Variants in TMEM143 observed in about 807,000 individuals in gnomAD.
TMEM143 encodes the protein transmembrane protein 143.
Under a neutral mutation model 40.3 loss-of-function variants are expected in TMEM143, and 45 were observed. The observed-to-expected ratio is 1.12, with a 90% CI of 0.88 to 1.43. The LOEUF (loss-of-function observed/expected upper bound fraction) is 1.43. TMEM143 is among the 40% of genes most tolerant of loss of function. The pLI is 0.00. For missense variants in TMEM143, 620 were observed against 613.4 expected, an observed-to-expected ratio of 1.01 and a Z score of -0.11; for synonymous variants, 299 against 282.7, an observed-to-expected ratio of 1.06 and a Z score of -0.58.
chr19:48,347,554 CTTT>C (rs1309165553), intron 3 of TMEM143, among the ~76,000 whole-genome samples: 9 of 128,426 alleles, frequency 7.0e-5, no homozygotes, highest in Admixed American at 8.1e-5. Flanking sequence ...CTCTACAAAA[CTTT>C]TTTTTTTTTT....
chr19:48,357,447 G>C (rs999342824), intron 3 of TMEM143, among the ~76,000 whole-genome samples: 5 of 147,182 alleles, frequency 3.4e-5, no homozygotes, highest in African/African-American at 1.3e-4. Context: ...TCCGCCTCCC[G>C]GGTTCACGTC....
chr19:48,345,158 AC>A lies in TMEM143; in HGVS notation c.564+1del, dbSNP rs1969591750. 1 of 1,612,722 alleles carries A rather than the reference AC, an allele frequency of 6.2e-7. No individual in the cohort carries two copies. The highest frequency in any genetic ancestry group is 1.3e-5 in the African/African-American group (1 of 74,778). Reference sequence around the variant, plus strand: ...GTTTTGTTCTCCTAGGGAGCCAAGTACCTGGACCTCATCCTGAGGGTGGTGG... The same window carrying A: ...GTTTTGTTCTCCTAGGGAGCCAAGTACTGGACCTCATCCTGAGGGTGGTGG... On this transcript the variant is annotated splice_donor_variant, in intron 4 of 7. Transcript: ENST00000293261. LOFTEE classifies it high-confidence loss of function.
rs960518702 is a variant in TMEM143 at position 48,342,940 on chromosome 19, G to A, written c.696-131C>T. 1.8e-5 allele frequency: 21 copies of A among 1,150,998 alleles called. No homozygotes were observed. In the South Asian group the frequency reaches 2.8e-4, roughly 15 times the overall value. The allele number at this position is 1,150,998 out of a possible 1,614,324, so 71.3% of individuals were successfully genotyped here. On this transcript the variant is annotated intron_variant, in intron 5 of 7. Coordinates refer to ENST00000293261, the MANE Select transcript of TMEM143 (RefSeq NM_018273.4). The stretch of plus-strand genomic sequence containing the variant: ...TTAAAAGCGACTCAGTAATCATGGG[G>A]AAGAAACCAGGGATCAGCTGTGTCC...
chr19:48,340,767 G>A (rs906188333), intron 6 of TMEM143, among the ~76,000 whole-genome samples: 4 of 152,060 alleles, frequency 2.6e-5, no homozygotes, highest in African/African-American at 4.8e-5. Flanking sequence ...GCTCCCTGCG[G>A]CTCTGAGGAT....
At chr19:48,362,154 T>TTGTGTGTATTTGTG (rs796946160) in intron 2 of TMEM143, among the ~76,000 whole-genome samples, 1 of 144,960 alleles carries the variant, frequency 6.9e-6, no homozygotes, top group Non-Finnish European at 1.5e-5. Flanking sequence ...ATGCATATAC[T>TTGTGTGTATTTGTG]TGTGTGTATT....
At chr19:48,341,157 C>A (rs1363731880) in intron 6 of TMEM143, among the ~76,000 whole-genome samples, 1 of 152,250 alleles carries the variant, frequency 6.6e-6, no homozygotes, top group East Asian at 1.9e-4. Flanking sequence ...TCACACCAGT[C>A]TACACTCCTG....
At position 48,334,179 on chromosome 19, in the gene TMEM143, T is replaced by C; in HGVS notation, c.994A>G (p.Ser332Gly). 6.2e-7 allele frequency: 1 copy of C among 1,604,236 alleles called. No homozygotes were observed. Among genetic ancestry groups the C allele is most frequent in the African/African-American group, 1.3e-5 (1 of 74,894 alleles). ...RASKMFGQRR[S>G]AQALELAHML... ...TGCGCCAGCTCCAACGCCTGCGCGC[T>C]GCGCCGCTGCCCGAACATCTGCAGG... is the stretch of plus-strand genomic sequence containing the variant. Residue 332 changes from serine to glycine, a missense_variant, in exon 7 of 8, where the codon AGC becomes GGC. Transcript: ENST00000293261.
At position 48,333,364 on chromosome 19, in the gene TMEM143, A is replaced by C; in HGVS notation, c.1235T>G (p.Phe412Cys). The change falls in exon 8 of 8, where the codon TTC becomes TGC. Residue 412 changes from phenylalanine (F) to cysteine (C), a missense_variant. Transcript: ENST00000293261. The surrounding 1 kb of genome is among the most constrained non-coding windows in gnomAD (Gnocchi z 4.1). ...LLAKSGCEVT[F>C]NGTRALAHLQ... is the part of the protein sequence containing the mutation. ...ATGCGCCAGGGCCCGAGTTCCGTTG[A>C]AGGTCACCTCACAGCCTGACTTGGC... is the stretch of plus-strand genomic sequence containing the variant. 2.5e-6 allele frequency: 4 copies of C among 1,609,444 alleles called. No homozygotes were observed. Among genetic ancestry groups the C allele is most frequent in the Non-Finnish European group, 3.4e-6 (4 of 1,176,788 alleles).
At chr19:48,360,845 TG>T (rs1454673217) in intron 2 of TMEM143, among the ~76,000 whole-genome samples, 3 of 152,052 alleles carry the variant, frequency 2.0e-5, no homozygotes, top group African/African-American at 7.2e-5. Context: ...GGAGCTCAGT[TG>T]TGCAATCTCA....
intron 6 of TMEM143, among the ~76,000 whole-genome samples, chr19:48,336,083 C>T (rs975095075): frequency 1.3e-5 from 2 of 152,050 alleles, no homozygotes; most frequent in East Asian, 3.9e-4. Flanking sequence ...TGGGCTCCCA[C>T]TGAAAAACTG....
chr19:48,340,823 C>T (rs753818917), intron 6 of TMEM143, among the ~76,000 whole-genome samples: 1 of 152,126 alleles, frequency 6.6e-6, no homozygotes, highest in African/African-American at 2.4e-5. Flanking sequence ...TCACCACCCT[C>T]TGGGACTTCC....
At chr19:48,360,207 A>C in intron 2 of TMEM143, 31 bp from the exon 3 acceptor site, 1 of 1,601,996 alleles carries the variant, frequency 6.2e-7, no homozygotes, top group Non-Finnish European at 8.5e-7. Context: ...ACTTCTCTGT[A>C]GGCCTTTTCC....
At position 48,342,621 on chromosome 19, in the gene TMEM143, T is replaced by C. The variant is rs541280160; in HGVS notation, c.884A>G (p.Asn295Ser). The C allele has an allele frequency of 1.3e-4, 202 of 1,613,766 alleles. No homozygotes were observed. The highest frequency in any genetic ancestry group is 1.6e-4 in the Non-Finnish European group (185 of 1,179,990). The part of the protein sequence containing the change: ...LVVSGVAIFV[N>S]VGMVVLTDLK... ...GTCGGTTAGCACCACCATGCCCACG[T>C]TGACGAAGATCGCCACGCCGGAGAC... Residue 295 changes from asparagine to serine, a missense_variant, in exon 6 of 8, where the codon AAC becomes AGC. Transcript: ENST00000293261.
In TMEM143 at chr19:48,363,895, C is replaced by CA. The variant is rs1970131236; in HGVS notation, c.23+2dup. On this transcript the variant is annotated splice_region_variant and intron_variant, in intron 1 of 7. Transcript: ENST00000293261. ...CCATGCAATCCCCCGATTTCTCCCT[C>CA]ACCTTAGCCAAAGCTCGACTGTCAT... The CA allele has an allele frequency of 6.2e-7, 1 of 1,613,836 alleles. No individual in the cohort carries two copies. Among genetic ancestry groups the CA allele is most frequent in the African/African-American group, 1.3e-5 (1 of 74,918 alleles).
rs1277693327 is a variant in TMEM143 at position 48,334,509 on chromosome 19, TTTTC to T, written c.976-316_976-313del. On this transcript the variant is annotated intron_variant, in intron 6 of 7. Coordinates refer to ENST00000293261, the MANE Select transcript of TMEM143 (RefSeq NM_018273.4). ...CTTTCTTTCTTTCGTTCTTTCTTTC[TTTTC>T]TTTCTTTCTCTTTCTTTCTTTTCTT... 1.7e-3 allele frequency among the ~76,000 whole-genome samples: 249 copies of T among 142,620 alleles called. 3 individuals are homozygous for T. The highest frequency in any genetic ancestry group is 5.2e-3 in the Admixed American group (75 of 14,456). The allele number at this position is 142,620 out of a possible 152,430, so 93.6% of individuals were successfully genotyped here. A position where few individuals can be genotyped will look rare whatever the true frequency, so the allele number is the denominator to read the frequency against.
At chr19:48,348,223 G>C (rs1245985846) in intron 3 of TMEM143, among the ~76,000 whole-genome samples, 1 of 152,094 alleles carries the variant, frequency 6.6e-6, no homozygotes, top group Non-Finnish European at 1.5e-5. Context: ...TTGATCAAAT[G>C]TCCACTGTGA....
chr19:48,360,832 G>C (rs1319120835), intron 2 of TMEM143, among the ~76,000 whole-genome samples: 2 of 152,074 alleles, frequency 1.3e-5, no homozygotes, highest in Non-Finnish European at 2.9e-5. Context: ...TGTCACCCAG[G>C]CTGGAGCTCA....
At chr19:48,356,723 G>A (rs761804213) in intron 3 of TMEM143, among the ~76,000 whole-genome samples, 28 of 150,340 alleles carry the variant, frequency 1.9e-4, no homozygotes, top group South Asian at 6.3e-4. Context: ...TCAGCCTCCC[G>A]AGTAGCTGGG....
At chr19:48,338,012 G>T (rs2147357610) in intron 6 of TMEM143, among the ~76,000 whole-genome samples, 1 of 142,274 alleles carries the variant, frequency 7.0e-6, no homozygotes, top group Non-Finnish European at 1.5e-5. Flanking sequence ...GGGTCCCCCT[G>T]CCACCCGGAG....
Sources: allele counts gnomAD v4.1 joint callset (sites outside exome capture counted in the v4.1 genomes callset), GRCh38; gene constraint gnomAD v4.1.1; non-coding constraint Gnocchi (gnomAD v3.1); transcripts MANE v1.5; gene names NCBI Gene and HGNC (gene_info 2026-07-23, HGNC 2026-07-21).